The following ZNF493 variants were observed in gnomAD, a reference collection of about 807,000 sequenced individuals.
ZNF493 encodes zinc finger protein 493.
In ZNF493, 11 loss-of-function variants were observed where a neutral mutation model predicts 12.2. The observed-to-expected ratio is 0.90, with a 90% CI of 0.57 to 1.50. The LOEUF is 1.50. Among genes scored for constraint, ZNF493 ranks in the 40% most tolerant of loss-of-function variants. The probability of loss-of-function intolerance (pLI) is 0.00; values close to 1 mark genes in which losing one functional copy is unlikely to be tolerated. For synonymous variants in ZNF493, 286 were observed against 302.6 expected, an observed-to-expected ratio of 0.95 and a Z score of 0.57; for missense variants, 950 against 906.6, an observed-to-expected ratio of 1.05 and a Z score of -0.61.
Position 21,423,735 on chromosome 19 carries a change from A to G in ZNF493, c.1076A>G (p.Lys359Arg). Residue 359 changes from lysine to arginine, a missense_variant, in exon 4 of 4, where the codon AAG (lysine) becomes AGG (arginine). Physicochemically the swap from Lys to Arg is conservative, Grantham distance 26. Transcript: ENST00000392288. ...TGTGAAGAATATTGCAAAGCTTATA[A>G]GGAGTCCTCACACCTTACTACACAT... ...HRCEEYCKAY[K>R]ESSHLTTHKR... 6.2e-7 allele frequency: 1 copy of G among 1,613,630 alleles called. No homozygotes were observed. Among genetic ancestry groups the G allele is most frequent in the Non-Finnish European group, 8.5e-7 (1 of 1,179,712 alleles).
rs772989881 is a variant in ZNF493, at chr19:21,424,700, G to T, written c.2041G>T (p.Glu681Ter). The T allele has an allele frequency of 1.1e-5, 18 of 1,613,434 alleles. No homozygotes were observed. In the African/African-American group the frequency reaches 2.1e-4, roughly 19 times the overall value. The change falls in exon 4 of 4, where the codon GAA (glutamate) becomes TAA (stop). Residue 681 changes from glutamate (E) to a stop codon, truncating the protein, a stop_gained. Coordinates refer to ENST00000392288, the MANE Select transcript of ZNF493 (RefSeq NM_001076678.3). LOFTEE classifies it low-confidence loss of function (END_TRUNC). The part of the protein sequence containing the change: ...TLTKHKIIHT[E>*]EKPYKCEKCG... ...TACTAAACATAAGATAATTCATACT[G>T]AAGAGAAACCCTACAAATGTGAAAA...
intron 3 of ZNF493, among the ~76,000 whole-genome samples, chr19:21,416,557 A>T (rs1054380482): frequency 6.6e-6 from 1 of 151,996 alleles, no homozygotes; most frequent in African/African-American, 2.4e-5. Context: ...TGAAATGTTG[A>T]CTCCTGTATC....
Position 21,426,559 on chromosome 19 carries a change from T to C in ZNF493, c.*1575T>C, listed in dbSNP as rs2030860676. The C allele has an allele frequency of 6.0e-6, 1 of 166,918 alleles. No individual in the cohort carries two copies. The highest frequency in any genetic ancestry group is 1.5e-5 in the Non-Finnish European group (1 of 68,064). 10.3% of individuals were successfully genotyped at this position (166,918 alleles called of 1,614,324 possible). A position where few individuals can be genotyped will look rare whatever the true frequency, so the allele number is the denominator to read the frequency against. On this transcript the variant is annotated 3_prime_UTR_variant, in exon 4 of 4. Transcript: ENST00000392288. ...GTACCTTTACTTGTATCAGATCTTA[T>C]TGTCCACATTTTGTACTACAGAAAA...
At position 21,427,379 on chromosome 19, in the gene ZNF493, G is replaced by A. The variant is rs542009162; in HGVS notation, c.*2395G>A. Reference sequence around the variant, plus strand: ...ATGTATACATGTGCCATGCTGGTGCGCTGCACCCACTAACTCGTCATCTAG... The same window carrying A: ...ATGTATACATGTGCCATGCTGGTGCACTGCACCCACTAACTCGTCATCTAG... On this transcript the variant is annotated 3_prime_UTR_variant, in exon 4 of 4. Transcript: ENST00000392288. The A allele has an allele frequency of 1.9e-5, 3 of 154,304 alleles. No homozygotes were observed. Among genetic ancestry groups the A allele is most frequent in the Admixed American group, 6.6e-5 (1 of 15,258 alleles). The allele number at this position is 154,304 out of a possible 1,614,324, so 9.6% of individuals were successfully genotyped here.
Position 21,423,219 on chromosome 19 carries a change from G to C in ZNF493, c.560G>C (p.Cys187Ser). ...AAGAAACCTTTCAAATGTAAAAAAT[G>C]TGGCAAATCATTTTGCATGCTTTTA... ...TGKKPFKCKK[C>S]GKSFCMLLHL... Residue 187 changes from cysteine (C) to serine (S), a missense_variant, in exon 4 of 4, where the codon TGT (cysteine) becomes TCT (serine). Coordinates refer to ENST00000392288, the MANE Select transcript of ZNF493 (RefSeq NM_001076678.3). The C allele has an allele frequency of 6.2e-7, 1 of 1,613,798 alleles. No individual in the cohort carries two copies. The highest frequency in any genetic ancestry group is 8.5e-7 in the Non-Finnish European group (1 of 1,179,860).
In ZNF493 at chr19:21,407,525, G is replaced by A. The variant is rs190610162; in HGVS notation, c.253+1669G>A. ...AGGATGGTCTCTATCTCCTGACCTC[G>A]TGATCCGCCCGCCTCAGTCTCCCAA... On this transcript the variant is annotated intron_variant, in intron 3 of 3. Coordinates refer to ENST00000392288, the MANE Select transcript of ZNF493 (RefSeq NM_001076678.3). The A allele has an allele frequency of 1.7e-4, 80 of 475,942 alleles. No individual in the cohort carries two copies. In the East Asian group the frequency reaches 5.4e-3, roughly 32 times the overall value. The allele number at this position is 475,942 out of a possible 1,614,324, so 29.5% of individuals were successfully genotyped here.
chr19:21,407,288 T>C (rs2030163091), intron 3 of ZNF493, among the ~76,000 whole-genome samples: 1 of 151,874 alleles, frequency 6.6e-6, no homozygotes, highest in Admixed American at 6.6e-5. Flanking sequence ...TAAAAAATTA[T>C]TATTATTATT....
In ZNF493 at chr19:21,424,081, A is replaced by G; in HGVS notation, c.1422A>G (p.Ser474=). 1 of 1,612,538 alleles carries G rather than the reference A, an allele frequency of 6.2e-7. No individual in the cohort carries two copies. The highest frequency in any genetic ancestry group is 1.1e-5 in the South Asian group (1 of 90,862). The change falls in exon 4 of 4, where the codon TCA becomes TCG. Residue 474 remains serine, a synonymous_variant. Transcript: ENST00000392288. ...GTGGCAAAGCTTTTAAACGATCTTC[A>G]ACCCTTACTAAACATAGGATAATTC... is the stretch of plus-strand genomic sequence containing the variant. The part of the protein sequence containing the change: ...EECGKAFKRS[S]TLTKHRIIHT...
At chr19:21,409,106 G>A (rs1174432690) in intron 3 of ZNF493, among the ~76,000 whole-genome samples, 1 of 151,778 alleles carries the variant, frequency 6.6e-6, no homozygotes. Flanking sequence ...GGATGGTCTC[G>A]ATCTCCTGAC....
chr19:21,422,459 A>ATTTT (rs2030708067), intron 3 of ZNF493, among the ~76,000 whole-genome samples: 1 of 84,792 alleles, frequency 1.2e-5, no homozygotes. Flanking sequence ...TTATTTATTT[A>ATTTT]TTTTTATAAT....
chr19:21,397,418 C>A, intron 1 of ZNF493, 151 bp downstream of exon 1: 1 of 1,011,578 alleles, frequency 9.9e-7, no homozygotes, highest in Non-Finnish European at 1.6e-6. Context: ...CAGTCTCCTT[C>A]AGCCGTAAGT....
rs763952929 is a variant in ZNF493, at chr19:21,423,032, G to T, written c.373G>T (p.Gly125Ter). The change falls in exon 4 of 4, where the codon GGA becomes TGA. Residue 125 changes from glycine to a stop codon, truncating the protein, a stop_gained. Transcript: ENST00000392288. LOFTEE classifies it low-confidence loss of function (END_TRUNC). ...ACATAAGGATTTACAGTTAAGAAAA[G>T]GATGTAAAAGTATGAATGAGTGTAA... ...CGHKDLQLRKGCKSMNECNVH... is the reference protein window; with the variant it reads ...CGHKDLQLRK 5.6e-5 allele frequency: 90 copies of T among 1,613,122 alleles called. 1 individual carries two copies. Among genetic ancestry groups the T allele is most frequent in the Admixed American group, 4.2e-4 (25 of 59,920 alleles).
In ZNF493 at chr19:21,397,282, T is replaced by C; in HGVS notation, c.30+15T>C. On this transcript the variant is annotated intron_variant, in intron 1 of 3. Transcript: ENST00000392288. ...GCCTAGACATGGTGAGAGTGCTGGG[T>C]CCGACATCACGAGAGAGGGGAAGGA... The C allele has an allele frequency of 6.2e-7, 1 of 1,614,142 alleles. No homozygotes were observed. Among genetic ancestry groups the C allele is most frequent in the Admixed American group, 1.7e-5 (1 of 60,008 alleles).
intron 3 of ZNF493, among the ~76,000 whole-genome samples, chr19:21,417,852 G>A (rs1195037211): frequency 6.6e-6 from 1 of 152,200 alleles, no homozygotes; most frequent in Non-Finnish European, 1.5e-5. Context: ...ATCCCAGTTA[G>A]TAGGAATCAT....
intron 3 of ZNF493, among the ~76,000 whole-genome samples, chr19:21,421,172 A>G (rs1163139410): frequency 6.6e-6 from 1 of 151,068 alleles, no homozygotes; most frequent in Admixed American, 6.6e-5. Context: ...GAGCTTTTTT[A>G]TTTTTACATC....
chr19:21,401,120 G>A (rs746241217), intron 1 of ZNF493, among the ~76,000 whole-genome samples: 7 of 152,286 alleles, frequency 4.6e-5, no homozygotes, highest in Non-Finnish European at 8.8e-5. Context: ...GTATTTTGAT[G>A]TATGTACCTC....
Position 21,426,045 on chromosome 19 carries a change from TTAAC to T in ZNF493, c.*1064_*1067del. ...GATTGTGAAAAATATGGCAAAGGCT[TTAAC>T]TAGTCCTCAGTTCTTAACACACATA... On this transcript the variant is annotated 3_prime_UTR_variant, in exon 4 of 4. Coordinates refer to ENST00000392288, the MANE Select transcript of ZNF493 (RefSeq NM_001076678.3). 4.4e-6 allele frequency: 2 copies of T among 452,816 alleles called. No homozygotes were observed. The highest frequency in any genetic ancestry group is 1.9e-5 in the South Asian group (1 of 53,752). 28.0% of individuals were successfully genotyped at this position (452,816 alleles called of 1,614,324 possible). A position where few individuals can be genotyped will look rare whatever the true frequency, so the allele number is the denominator to read the frequency against.
rs1199839217 is a variant in ZNF493 at position 21,423,449 on chromosome 19, C to A, written c.790C>A (p.Pro264Thr). Reference protein sequence around the residue: ...THKRIHTGQKPYKCEECGTSF... With the variant: ...THKRIHTGQKTYKCEECGTSF... ...TAAGAGAATTCATACTGGACAGAAA[C>A]CCTACAAATGTGAAGAATGTGGCAC... Residue 264 changes from proline (P) to threonine (T), a missense_variant, in exon 4 of 4, where the codon CCC becomes ACC. Transcript: ENST00000392288. 3.7e-6 allele frequency: 6 copies of A among 1,613,492 alleles called. No homozygotes were observed. In the Admixed American group the frequency reaches 1.0e-4, roughly 27 times the overall value.
At chr19:21,398,022 A>C (rs1271859827) in intron 1 of ZNF493, 1 of 152,252 alleles carries the variant, frequency 6.6e-6, no homozygotes, top group East Asian at 1.9e-4. Flanking sequence ...ACCTCAGTCT[A>C]ATTGCCTGCC....
Sources: allele counts gnomAD v4.1 joint callset (sites outside exome capture counted in the v4.1 genomes callset), GRCh38; gene constraint gnomAD v4.1.1; transcripts MANE v1.5; gene names NCBI Gene and HGNC (gene_info 2026-07-23, HGNC 2026-07-21).